DNAH9: variants seen among roughly 807,000 people sequenced by gnomAD.
DNAH9 encodes the protein dynein axonemal heavy chain 9, also known as DNAH9 variant protein.
Under a neutral mutation model 471.6 loss-of-function variants are expected in DNAH9, and 345 were observed. The ratio of observed to expected loss-of-function variants is 0.73; its 90% CI spans 0.67 to 0.80. The LOEUF (loss-of-function observed/expected upper bound fraction) is 0.80, where lower values mean the gene tolerates loss of function less well. DNAH9 is among the 30% of genes least tolerant of loss of function. The probability of loss-of-function intolerance (pLI) is 0.00; values close to 1 mark genes in which losing one functional copy is unlikely to be tolerated. For synonymous variants in DNAH9, 2,093 were observed against 2,123.6 expected (o/e 0.99, Z 0.40); for missense variants, 5,407 against 5,609.2 (o/e 0.96, Z 1.15).
rs11364413 is a variant in DNAH9 at position 11,938,456 on chromosome 17, C to CA, written c.12660+947dup. Among the ~76,000 whole-genome samples, 1,086 of 111,232 alleles carry CA rather than the reference C, an allele frequency of 9.8e-3. 8 individuals are homozygous for CA. The highest frequency in any genetic ancestry group is 0.024 in the African/African-American group (756 of 31,316). The allele number at this position is 111,232 out of a possible 152,430, so 73.0% of individuals were successfully genotyped here. A position where few individuals can be genotyped will look rare whatever the true frequency, so the allele number is the denominator to read the frequency against. ...CCTGGTGACAGAGCAAGACTGTCTC[C>CA]AAAAAAAAAAAAACAAAAAAAGAAT... On this transcript the variant is annotated intron_variant, in intron 66 of 68. Transcript: ENST00000262442.
At chr17:11,902,693 A>G in intron 59 of DNAH9, 26 bp from the exon 60 acceptor site, 1 of 1,600,620 alleles carries the variant, frequency 6.2e-7, no homozygotes. Flanking sequence ...GAGAAACTGC[A>G]TTTCAGATTC....
chr17:11,672,263 G>C (rs2073984702), intron 17 of DNAH9, among the ~76,000 whole-genome samples: 1 of 152,154 alleles, frequency 6.6e-6, no homozygotes, highest in South Asian at 2.1e-4. Context: ...CACTTGCAAA[G>C]CTTTCCTGTG....
At chr17:11,620,726 A>T (rs941990152) in intron 6 of DNAH9, among the ~76,000 whole-genome samples, 5 of 152,094 alleles carry the variant, frequency 3.3e-5, no homozygotes, top group Non-Finnish European at 7.3e-5. Flanking sequence ...AGAAAGACTG[A>T]CACTGAGCAA....
chr17:11,717,940 C>A (rs766748837), intron 26 of DNAH9, among the ~76,000 whole-genome samples: 4 of 152,138 alleles, frequency 2.6e-5, no homozygotes, highest in Non-Finnish European at 4.4e-5. Context: ...ATGACATGAT[C>A]TCAGCTGACT....
At chr17:11,798,757 A>G (rs904146293) in intron 43 of DNAH9, among the ~76,000 whole-genome samples, 1 of 152,118 alleles carries the variant, frequency 6.6e-6, no homozygotes, top group Non-Finnish European at 1.5e-5. Context: ...CTTTACTGCC[A>G]AATTCTAACT....
intron 7 of DNAH9, 48 bp downstream of exon 7, chr17:11,629,632 G>A (rs2073031250): frequency 4.5e-6 from 7 of 1,563,262 alleles, no homozygotes; most frequent in Non-Finnish European, 6.1e-6. Context: ...TGTCCCGGAT[G>A]CCTCTCATCT....
chr17:11,741,134 A>G (rs2075427355), intron 29 of DNAH9, among the ~76,000 whole-genome samples: 1 of 152,220 alleles, frequency 6.6e-6, no homozygotes, highest in African/African-American at 2.4e-5. Flanking sequence ...ATTTGAATAC[A>G]ATGTAAAATA....
rs756159637 is a variant in DNAH9, at chr17:11,905,739, G to A, written c.11679G>A (p.Ser3893=). ...ALDFATSFEE[S]GPATPMFFIL... ...ATTTTGCAACCTCATTTGAAGAATC[G>A]GGACCAGCCACTCCTATGTTTTTCA... The change falls in exon 61 of 69, where the codon TCG becomes TCA. Residue 3893 remains serine (S), a synonymous_variant. Transcript: ENST00000262442. The A allele has an allele frequency of 8.1e-6, 13 of 1,613,976 alleles. No homozygotes were observed. The highest frequency in any genetic ancestry group is 3.3e-5 in the Admixed American group (2 of 60,006).
chr17:11,678,486 A>C (rs1292186146), intron 17 of DNAH9, among the ~76,000 whole-genome samples: 1 of 152,166 alleles, frequency 6.6e-6, no homozygotes, highest in Admixed American at 6.5e-5. Context: ...AGTTTTGTGG[A>C]GGGGAGAATT....
chr17:11,827,305 C>T (rs1194936678), intron 48 of DNAH9, among the ~76,000 whole-genome samples: 3 of 152,182 alleles, frequency 2.0e-5, no homozygotes, highest in Non-Finnish European at 2.9e-5. Context: ...TTAATTGGCT[C>T]ACAGTTCTGC....
intron 33 of DNAH9, among the ~76,000 whole-genome samples, chr17:11,755,928 G>T (rs114583310): frequency 2.0e-5 from 3 of 152,106 alleles, no homozygotes; most frequent in African/African-American, 7.2e-5. Context: ...TGAAAGGCGC[G>T]TCTTACATGG....
Position 11,951,421 on chromosome 17 carries a change from C to T in DNAH9, c.12843+8936C>T, listed in dbSNP as rs142263080. On this transcript the variant is annotated intron_variant, in intron 67 of 68. Transcript: ENST00000262442. The stretch of plus-strand genomic sequence containing the variant: ...GTAAGCCAGGCATGGTGGCTCACAC[C>T]TGTAATCCTAGCACTTTGGGAGGCC... 1.7e-3 allele frequency among the ~76,000 whole-genome samples: 265 copies of T among 152,308 alleles called. 1 individual carries two copies. Among genetic ancestry groups the T allele is most frequent in the African/African-American group, 6.3e-3 (261 of 41,566 alleles).
Position 11,797,658 on chromosome 17 carries a change from G to A in DNAH9, c.8285G>A (p.Gly2762Asp). 1 of 1,614,174 alleles carries A rather than the reference G, an allele frequency of 6.2e-7. No homozygotes were observed. The highest frequency in any genetic ancestry group is 8.5e-7 in the Non-Finnish European group (1 of 1,180,038). The change falls in exon 43 of 69, where the codon GGT (glycine) becomes GAT (aspartate). Residue 2762 changes from glycine (G) to aspartate (D), a missense_variant. Coordinates refer to ENST00000262442, the MANE Select transcript of DNAH9 (RefSeq NM_001372.4). ...SPNLYCHFAN[G>D]IGEPKYMPVQ... The stretch of plus-strand genomic sequence containing the variant: ...AACCTGTATTGTCACTTTGCAAATG[G>A]TATTGGGGAGCCCAAATACATGCCT...
At chr17:11,701,782 C>T (rs1053401812) in intron 24 of DNAH9, among the ~76,000 whole-genome samples, 2 of 152,114 alleles carry the variant, frequency 1.3e-5, no homozygotes, top group African/African-American at 2.4e-5. Flanking sequence ...AAGTTCAAGC[C>T]ACTCTCCTGC....
intron 38 of DNAH9, among the ~76,000 whole-genome samples, chr17:11,774,529 G>T (rs181655475): frequency 6.6e-6 from 1 of 152,094 alleles, no homozygotes; most frequent in Non-Finnish European, 1.5e-5. Context: ...CGTGTGTGTG[G>T]GGGAACTGCC....
chr17:11,624,182 A>G (rs1361419801), intron 6 of DNAH9, among the ~76,000 whole-genome samples: 1 of 152,198 alleles, frequency 6.6e-6, no homozygotes, highest in African/African-American at 2.4e-5. Context: ...TCAAGAACCT[A>G]TCCCATGCCA....
chr17:11,766,345 T>G (rs1967936080), intron 36 of DNAH9, among the ~76,000 whole-genome samples: 1 of 151,516 alleles, frequency 6.6e-6, no homozygotes, highest in South Asian at 2.1e-4. Flanking sequence ...CTTGCAGCCC[T>G]TAGAGAGAAC....
chr17:11,807,669 A>T, intron 43 of DNAH9, 63 bp from the exon 44 acceptor site: 1 of 1,542,672 alleles, frequency 6.5e-7, no homozygotes. Context: ...TCAAGCCTTT[A>T]TACATGCTTC....
At chr17:11,651,005 A>G in intron 12 of DNAH9, 64 bp from the exon 13 acceptor site, 1 of 1,546,798 alleles carries the variant, frequency 6.5e-7, no homozygotes, top group East Asian at 2.3e-5. Flanking sequence ...CCAGTCTTTG[A>G]CCAATGCTGC....
Sources: allele counts gnomAD v4.1 joint callset (sites outside exome capture counted in the v4.1 genomes callset), GRCh38; gene constraint gnomAD v4.1.1; transcripts MANE v1.5; gene names NCBI Gene and HGNC (gene_info 2026-07-23, HGNC 2026-07-21).